CA6: variants seen among roughly 807,000 people sequenced by gnomAD.
The protein encoded by CA6 is carbonic anhydrase 6.
CA6 carries 28 observed loss-of-function variants against 35.9 expected under a neutral mutation model. The observed-to-expected ratio is 0.78, with a 90% confidence interval of 0.58 to 1.07. The LOEUF (loss-of-function observed/expected upper bound fraction) is 1.07. CA6 is among the 50% of genes least tolerant of loss of function. The pLI is 0.00. For missense variants in CA6, 377 were observed against 382.0 expected, an observed-to-expected ratio of 0.99 and a Z score of 0.11; for synonymous variants, 148 against 152.6, an observed-to-expected ratio of 0.97 and a Z score of 0.22.
chr1:8,969,625 GTCTC>G (rs138372720), intron 6 of CA6, among the ~76,000 whole-genome samples: 7 of 150,984 alleles, frequency 4.6e-5, no homozygotes, highest in Non-Finnish European at 8.9e-5. Context: ...TTCTCTCTCT[GTCTC>G]TCTCTCTCTC....
At chr1:8,967,037 G>A (rs1639986990) in intron 5 of CA6, among the ~76,000 whole-genome samples, 1 of 152,020 alleles carries the variant, frequency 6.6e-6, no homozygotes, top group Non-Finnish European at 1.5e-5. Flanking sequence ...TGCCCAGGCT[G>A]GTCTTGAACT....
chr1:8,973,724 C>CTTT lies in CA6; in HGVS notation c.845-897_845-895dup, dbSNP rs1018065602. Among the ~76,000 whole-genome samples the CTTT allele has an allele frequency of 9.8e-3, 156 of 15,860 alleles. 4 individuals are homozygous for CTTT. The highest frequency in any genetic ancestry group is 0.052 in the African/African-American group (139 of 2,678). The allele number at this position is 15,860 out of a possible 152,430, so 10.4% of individuals were successfully genotyped here. A position where few individuals can be genotyped will look rare whatever the true frequency, so the allele number is the denominator to read the frequency against. On this transcript the variant is annotated intron_variant, in intron 7 of 7. Coordinates refer to ENST00000377443, the MANE Select transcript of CA6 (RefSeq NM_001215.4). ...TTTCTTTCTCTCTCTTTCTTTCTTT[C>CTTT]TTTCTTTCTTTCTTTCTTTCTTTCT...
intron 6 of CA6, among the ~76,000 whole-genome samples, chr1:8,970,604 G>T (rs1640083602): frequency 6.6e-6 from 1 of 152,024 alleles, no homozygotes; most frequent in Non-Finnish European, 1.5e-5. Context: ...TGCCTCCCAG[G>T]TTCAAGCGAT....
At chr1:8,960,789 C>CACACACATATATATATAT (rs59987426) in intron 4 of CA6, among the ~76,000 whole-genome samples, 35 of 116,972 alleles carry the variant, frequency 3.0e-4, no homozygotes, top group Middle Eastern at 4.0e-3. Context: ...CACACACACA[C>CACACACATATATATATAT]ATATATATAA....
At chr1:8,953,881 C>T (rs912013502) in intron 2 of CA6, among the ~76,000 whole-genome samples, 1 of 152,146 alleles carries the variant, frequency 6.6e-6, no homozygotes, top group Non-Finnish European at 1.5e-5. Context: ...GGTCATAAAG[C>T]TTGCTGATAA....
intron 1 of CA6, 147 bp from the exon 2 acceptor site, chr1:8,949,116 C>T: frequency 1.8e-6 from 1 of 558,612 alleles, no homozygotes; most frequent in South Asian, 2.8e-5. Context: ...TTTTGGCCTC[C>T]TTCTGGGGGA....
chr1:8,967,120 G>A (rs1639989272), intron 5 of CA6, among the ~76,000 whole-genome samples: 2 of 152,102 alleles, frequency 1.3e-5, no homozygotes, highest in South Asian at 4.1e-4. Flanking sequence ...ACTGCGCCTG[G>A]CCTGATTCTG....
Position 8,969,736 on chromosome 1 carries a change from G to C in CA6, c.730-1131G>C, listed in dbSNP as rs1407320207. Among the ~76,000 whole-genome samples, 3 of 151,948 alleles carry C rather than the reference G, an allele frequency of 2.0e-5. No individual in the cohort carries two copies. The East Asian group carries it at 5.8e-4, about 29-fold the overall frequency. Reference sequence around the variant, plus strand: ...AGACAAAGAAACTATTTAAAAATTAGCCAGAAAGAAAAGACAGATTATCAT... The same window carrying C: ...AGACAAAGAAACTATTTAAAAATTACCCAGAAAGAAAAGACAGATTATCAT... On this transcript the variant is annotated intron_variant, in intron 6 of 7. Coordinates refer to ENST00000377443, the MANE Select transcript of CA6 (RefSeq NM_001215.4).
intron 6 of CA6, among the ~76,000 whole-genome samples, chr1:8,968,883 G>C (rs1216017107): frequency 6.6e-6 from 1 of 151,714 alleles, no homozygotes; most frequent in Non-Finnish European, 1.5e-5. Flanking sequence ...CAGTCGTGGT[G>C]GTGGGGCGCT....
At chr1:8,958,059 G>A (rs1479445048) in intron 3 of CA6, among the ~76,000 whole-genome samples, 2 of 152,180 alleles carry the variant, frequency 1.3e-5, no homozygotes, top group Non-Finnish European at 1.5e-5. Context: ...TTGTGACAGG[G>A]GTTCAGGCAA....
chr1:8,946,793 GTTTTTTTTTTTGTT>G (rs1639376522), intron 1 of CA6, among the ~76,000 whole-genome samples: 1 of 125,048 alleles, frequency 8.0e-6, no homozygotes, highest in Non-Finnish European at 1.6e-5. Context: ...AATGAGAGGT[GTTTTTTTTTTTGTT>G]TTTTTTTTTT....
intron 6 of CA6, among the ~76,000 whole-genome samples, chr1:8,968,113 G>C (rs4908522): frequency 0.31 from 47,391 of 151,594 alleles, 8,057 homozygotes; most frequent in East Asian, 0.66. Context: ...GACTCCAGGA[G>C]TGTGCCACCA....
intron 3 of CA6, 100 bp from the exon 4 acceptor site, chr1:8,958,810 T>G: frequency 2.9e-6 from 2 of 698,138 alleles, no homozygotes; most frequent in Non-Finnish European, 5.1e-6. Context: ...GTCTGAGGCC[T>G]CAGACGGAGC....
chr1:8,972,947 G>T (rs79189781), intron 7 of CA6, among the ~76,000 whole-genome samples: 6,481 of 152,084 alleles, frequency 0.043, 317 homozygotes, highest in African/African-American at 0.11. Context: ...GAATCCCTTT[G>T]TCCGAAAGTG....
chr1:8,947,825 G>C (rs917546130), intron 1 of CA6, among the ~76,000 whole-genome samples: 1 of 151,862 alleles, frequency 6.6e-6, no homozygotes, highest in South Asian at 2.1e-4. Context: ...AAACCAAAAA[G>C]CGGTGAGGGC....
chr1:8,945,958 C>A lies in CA6; in HGVS notation c.72C>A (p.Thr24=), dbSNP rs561780744. Residue 24 remains threonine, a synonymous_variant, in exon 1 of 8, where the codon ACC becomes ACA. Transcript: ENST00000377443. The part of the protein sequence containing the change: ...GGQAQHVSDW[T]YSEGALDEAH... ...AGGCCCAGCATGTGTCTGACTGGACCTACTCAGGTGAGCCCCTAGCTTCTG... is the reference window on the plus strand; with the variant it reads ...AGGCCCAGCATGTGTCTGACTGGACATACTCAGGTGAGCCCCTAGCTTCTG... 1 of 1,611,912 alleles carries A rather than the reference C, an allele frequency of 6.2e-7. No individual in the cohort carries two copies. Among genetic ancestry groups the A allele is most frequent in the Admixed American group, 1.7e-5 (1 of 59,988 alleles).
rs1640219792 is a variant in CA6, at chr1:8,974,657, C to T, written c.880C>T (p.His294Tyr). ...AGGCTCTGAATTCCAGTTTTACCTA[C>T]ATAAGATTGAGGAAATTCTTGACTA... ...TLGSEFQFYL[H>Y]KIEEILDYLR... The change falls in exon 8 of 8, where the codon CAT becomes TAT. Residue 294 changes from histidine (H) to tyrosine (Y), a missense_variant. Coordinates refer to ENST00000377443, the MANE Select transcript of CA6 (RefSeq NM_001215.4). 3 of 1,605,388 alleles carry T rather than the reference C, an allele frequency of 1.9e-6. No individual in the cohort carries two copies. The highest frequency in any genetic ancestry group is 2.2e-5 in the East Asian group (1 of 44,794).
chr1:8,952,819 G>A (rs892861437), intron 2 of CA6, among the ~76,000 whole-genome samples: 3 of 151,922 alleles, frequency 2.0e-5, no homozygotes, highest in South Asian at 2.1e-4. Flanking sequence ...ACCACGCCTG[G>A]CTAATTTTTG....
chr1:8,958,795 G>C (rs1395473232), intron 3 of CA6, 115 bp from the exon 4 acceptor site: 6 of 605,592 alleles, frequency 9.9e-6, no homozygotes, highest in Non-Finnish European at 1.8e-5. Context: ...TGCTTGTGTG[G>C]AACAGTCTGA....
Sources: allele counts gnomAD v4.1 joint callset (sites outside exome capture counted in the v4.1 genomes callset), GRCh38; gene constraint gnomAD v4.1.1; transcripts MANE v1.5; gene names NCBI Gene and HGNC (gene_info 2026-07-23, HGNC 2026-07-21).